Variants in STAB2 observed in about 807,000 individuals in gnomAD.
STAB2 encodes stabilin-2.
STAB2 carries 288 observed loss-of-function variants against 338.1 expected under a neutral mutation model. The observed-to-expected ratio is 0.85, with a 90% CI of 0.77 to 0.94. The LOEUF (loss-of-function observed/expected upper bound fraction) is 0.94, where lower values mean the gene tolerates loss of function less well. Ranked by LOEUF, STAB2 falls within the 40% of genes least tolerant of loss-of-function variation. The pLI, the probability that STAB2 is intolerant of heterozygous loss-of-function variation, is 0.00. For missense variants in STAB2, 3,141 were observed against 3,210.1 expected (o/e 0.98, Z 0.52); for synonymous variants, 1,202 against 1,193.3 (o/e 1.01, Z -0.15).
intron 60 of STAB2, among the ~76,000 whole-genome samples, chr12:103,752,510 G>A (rs894829029): frequency 6.6e-6 from 1 of 152,138 alleles, no homozygotes; most frequent in Non-Finnish European, 1.5e-5. Flanking sequence ...TGAATTGTTT[G>A]GTTAGGAAAG....
intron 11 of STAB2, among the ~76,000 whole-genome samples, chr12:103,651,535 A>G (rs1457248768): frequency 6.6e-6 from 1 of 152,074 alleles, no homozygotes; most frequent in East Asian, 1.9e-4. Flanking sequence ...GATGGTCTCC[A>G]TCTCCTGACC....
intron 3 of STAB2, among the ~76,000 whole-genome samples, chr12:103,610,467 A>G (rs1292303134): frequency 6.6e-6 from 1 of 152,016 alleles, no homozygotes; most frequent in African/African-American, 2.4e-5. Context: ...TTTCTAGTTT[A>G]TTTGCGTGGA....
At chr12:103,746,483 A>C in intron 57 of STAB2, 114 bp from the exon 58 acceptor site, 2 of 898,596 alleles carry the variant, frequency 2.2e-6, no homozygotes, top group East Asian at 4.9e-5. Context: ...CCTGCTGTAC[A>C]GGGGCACTTA....
intron 3 of STAB2, among the ~76,000 whole-genome samples, chr12:103,619,502 C>G (rs927402629): frequency 2.6e-5 from 4 of 152,096 alleles, no homozygotes; most frequent in Non-Finnish European, 4.4e-5. Flanking sequence ...GGCTTTCTAG[C>G]TAAATGTCCC....
At chr12:103,637,085 A>G in intron 6 of STAB2, 26 bp from the exon 7 acceptor site, 1 of 1,584,404 alleles carries the variant, frequency 6.3e-7, no homozygotes, top group Non-Finnish European at 8.6e-7. Context: ...TACTAATGCA[A>G]GTACTTCAAC....
intron 2 of STAB2, 143 bp from the exon 3 acceptor site, chr12:103,594,252 C>G: frequency 1.7e-6 from 1 of 593,416 alleles, no homozygotes; most frequent in South Asian, 2.6e-5. Flanking sequence ...TTTATGCTAC[C>G]TAGAAAGCCA....
In STAB2 at chr12:103,662,845, G is replaced by A; in HGVS notation, c.1870-1G>A. On this transcript the variant is annotated splice_acceptor_variant, in intron 17 of 68. Coordinates refer to ENST00000388887, the MANE Select transcript of STAB2 (RefSeq NM_017564.10). LOFTEE classifies it high-confidence loss of function. Reference sequence around the variant, plus strand: ...TTAGAGATGTCATTTTTTCTTTCCAGGGACAGATTCTGGCAAATGATGTGG... The same window carrying A: ...TTAGAGATGTCATTTTTTCTTTCCAAGGACAGATTCTGGCAAATGATGTGG... The A allele has an allele frequency of 1.2e-6, 2 of 1,612,734 alleles. No individual in the cohort carries two copies. Among genetic ancestry groups the A allele is most frequent in the Non-Finnish European group, 1.7e-6 (2 of 1,179,588 alleles).
chr12:103,644,015 C>T (rs1873137299), intron 9 of STAB2, among the ~76,000 whole-genome samples: 1 of 97,404 alleles, frequency 1.0e-5, no homozygotes, highest in Admixed American at 9.6e-5. Context: ...CCAGCCACCA[C>T]CCCGTCTGGG....
rs1884716667 is a variant in STAB2, at chr12:103,763,807, G to A, written c.7605+199G>A. On this transcript the variant is annotated intron_variant, in intron 68 of 68. Coordinates refer to ENST00000388887, the MANE Select transcript of STAB2 (RefSeq NM_017564.10). ...CAGAGTTCCTGGGTTCTCTTGGGTA[G>A]ACAGCAGAATCCTTGAACAAACAGA... 1.8e-5 allele frequency: 9 copies of A among 509,778 alleles called. No homozygotes were observed. The East Asian group carries it at 2.9e-4, about 17-fold the overall frequency. 31.6% of individuals were successfully genotyped at this position (509,778 alleles called of 1,614,324 possible).
intron 65 of STAB2, 34 bp from the exon 66 acceptor site, chr12:103,761,266 G>A (rs746044591): frequency 1.3e-6 from 2 of 1,599,662 alleles, no homozygotes; most frequent in Non-Finnish European, 1.7e-6. Flanking sequence ...CACTCGGAGA[G>A]TAAAAGCCAT....
chr12:103,724,148 G>A (rs1024964292), intron 44 of STAB2, among the ~76,000 whole-genome samples: 14 of 152,196 alleles, frequency 9.2e-5, no homozygotes, highest in African/African-American at 3.1e-4. Context: ...TGTGTTTAAA[G>A]GATGAGGGTG....
chr12:103,635,022 G>A (rs1957521851), intron 6 of STAB2, among the ~76,000 whole-genome samples: 1 of 152,328 alleles, frequency 6.6e-6, no homozygotes, highest in South Asian at 2.1e-4. Context: ...GGAAGGGGTG[G>A]GGGAATAGTC....
In STAB2 at chr12:103,766,459, C is replaced by A; in HGVS notation, c.*123C>A. The A allele has an allele frequency of 8.8e-7, 1 of 1,130,576 alleles. No homozygotes were observed. Among genetic ancestry groups the A allele is most frequent in the Non-Finnish European group, 1.3e-6 (1 of 799,630 alleles). The allele number at this position is 1,130,576 out of a possible 1,614,324, so 70.0% of individuals were successfully genotyped here. On this transcript the variant is annotated 3_prime_UTR_variant, in exon 69 of 69. Transcript: ENST00000388887. ...TAAGCACTCAGAAGCCATACCTCATCTCTCTGGCTGATCTGGGGGTTGTTT... is the reference window on the plus strand; with the variant it reads ...TAAGCACTCAGAAGCCATACCTCATATCTCTGGCTGATCTGGGGGTTGTTT...
At chr12:103,724,869 T>A in intron 44 of STAB2, 106 bp from the exon 45 acceptor site, 1 of 1,544,988 alleles carries the variant, frequency 6.5e-7, no homozygotes, top group Non-Finnish European at 8.8e-7. Flanking sequence ...TCAAAGAGAG[T>A]GAGACAAAAA....
In STAB2 at chr12:103,637,164, T is replaced by A; in HGVS notation, c.637T>A (p.Ser213Thr). 1.9e-6 allele frequency: 3 copies of A among 1,612,922 alleles called. No individual in the cohort carries two copies. The highest frequency in any genetic ancestry group is 2.5e-6 in the Non-Finnish European group (3 of 1,179,666). Residue 213 changes from serine (S) to threonine (T), a missense_variant, in exon 7 of 69, where the codon TCC becomes ACC. Physicochemically the swap from Ser to Thr is moderately conservative, Grantham distance 58. Transcript: ENST00000388887. The stretch of plus-strand genomic sequence containing the variant: ...CCCAGAAAATTCCAGATGTTCGCCT[T>A]CCACTGAAGATGAAAACAAACTGGA... The part of the protein sequence containing the change: ...LCPENSRCSP[S>T]TEDENKLECK...
rs923028307 is a variant in STAB2 at position 103,587,285 on chromosome 12, G to A, written c.-192G>A. 1.1e-4 allele frequency: 66 copies of A among 590,446 alleles called. No individual in the cohort carries two copies. Among genetic ancestry groups the A allele is most frequent in the Non-Finnish European group, 1.8e-4 (59 of 334,298 alleles). The allele number at this position is 590,446 out of a possible 1,614,324, so 36.6% of individuals were successfully genotyped here. On this transcript the variant is annotated 5_prime_UTR_variant, in exon 1 of 69. Transcript: ENST00000388887. ...AGTGGCCAATTTCACCAAGACTCCT[G>A]GATTTGCCATTTTTCCTTTCTGAAG...
At chr12:103,608,696 TC>T (rs1333342502) in intron 3 of STAB2, among the ~76,000 whole-genome samples, 1 of 152,220 alleles carries the variant, frequency 6.6e-6, no homozygotes, top group Non-Finnish European at 1.5e-5. Context: ...TTTAATTAGA[TC>T]CCATTTGTCA....
intron 25 of STAB2, among the ~76,000 whole-genome samples, chr12:103,678,557 C>T (rs1012986360): frequency 2.6e-5 from 4 of 152,162 alleles, no homozygotes; most frequent in East Asian, 3.9e-4. Context: ...GATGGAGTCT[C>T]GCTCTGTCGC....
chr12:103,660,745 G>T lies in STAB2; in HGVS notation c.1851G>T (p.Gln617His), dbSNP rs1027430385. ...HIRSMANQLI[Q>H]FNTTDNGQIL... ...GGAGCATGGCCAACCAGCTCATACA[G>T]TTCAACACCACCGACAATGTAAGTG... The change falls in exon 17 of 69, where the codon CAG (glutamine) becomes CAT (histidine). Residue 617 changes from glutamine (Q) to histidine (H), a missense_variant. Transcript: ENST00000388887. The T allele has an allele frequency of 2.5e-6, 4 of 1,613,924 alleles. No homozygotes were observed. The highest frequency in any genetic ancestry group is 3.4e-6 in the Non-Finnish European group (4 of 1,179,978).
Sources: gnomAD v4.1 joint callset for allele counts (sites outside exome capture counted in the v4.1 genomes callset) on GRCh38, gnomAD v4.1.1 for gene constraint, MANE v1.5 for transcripts, NCBI Gene and HGNC (gene_info 2026-07-23, HGNC 2026-07-21) for gene names.